CRYL1: variants seen among roughly 807,000 people sequenced by gnomAD.
CRYL1 encodes the protein crystallin lambda 1, also known as lambda-crystallin homolog.
Under a neutral mutation model 36.6 loss-of-function variants are expected in CRYL1, and 29 were observed. The ratio of observed to expected loss-of-function variants is 0.79; its 90% CI spans 0.59 to 1.08. CRYL1 has a LOEUF of 1.08. CRYL1 is among the 50% of genes least tolerant of loss of function. CRYL1 has a pLI of 0.00. For missense variants in CRYL1, 411 were observed against 407.9 expected (o/e 1.01, Z -0.06); for synonymous variants, 152 against 151.5 (o/e 1.00, Z -0.02).
chr13:20,516,627 T>C (rs982026789), intron 1 of CRYL1, among the ~76,000 whole-genome samples: 36 of 151,906 alleles, frequency 2.4e-4, no homozygotes, highest in Admixed American at 9.2e-4. Flanking sequence ...CTACAGGCGC[T>C]CGCCACCACG....
intron 5 of CRYL1, among the ~76,000 whole-genome samples, chr13:20,419,450 G>A (rs1425160526): frequency 6.6e-6 from 1 of 151,784 alleles, no homozygotes; most frequent in Non-Finnish European, 1.5e-5. Context: ...GCGTCACCAC[G>A]CCCAGCTAAT....
intron 3 of CRYL1, among the ~76,000 whole-genome samples, chr13:20,454,687 G>A (rs1018672732): frequency 5.3e-5 from 8 of 152,054 alleles, no homozygotes; most frequent in African/African-American, 1.9e-4. Flanking sequence ...CCAAAGTGCT[G>A]GGATTACAGG....
intron 3 of CRYL1, among the ~76,000 whole-genome samples, chr13:20,485,103 T>C (rs1167821914): frequency 4.6e-5 from 7 of 152,098 alleles, no homozygotes; most frequent in African/African-American, 9.7e-5. Context: ...CTGCAACCTT[T>C]ACCTCCTGGG....
chr13:20,481,563 T>G lies in CRYL1; in HGVS notation c.276+7807A>C, dbSNP rs575692955. Among the ~76,000 whole-genome samples, 31 of 152,082 alleles carry G rather than the reference T, an allele frequency of 2.0e-4. No homozygotes were observed. Among genetic ancestry groups the G allele is most frequent in the Non-Finnish European group, 4.3e-4 (29 of 68,032 alleles). On this transcript the variant is annotated intron_variant, in intron 3 of 7. Coordinates refer to ENST00000298248, the MANE Select transcript of CRYL1 (RefSeq NM_015974.3). The surrounding 1 kb of genome is among the most constrained non-coding windows in gnomAD (Gnocchi z 4.1). ...GCACTGAACCCTGAAACGAGTGAAT[T>G]TTCTTGTATGGAAATTATATCTTTG... is the stretch of plus-strand genomic sequence containing the variant.
intron 4 of CRYL1, 61 bp downstream of exon 4, chr13:20,439,532 A>AAAAAAAAAAAC: frequency 1.1e-6 from 1 of 871,274 alleles, no homozygotes; most frequent in Non-Finnish European, 1.5e-6. Context: ...AAAAAAAAAG[A>AAAAAAAAAAAC]AAAAAAAAAA....
chr13:20,507,823 C>T (rs1217604400), intron 2 of CRYL1, among the ~76,000 whole-genome samples: 3 of 150,622 alleles, frequency 2.0e-5, no homozygotes, highest in Admixed American at 2.0e-4. Flanking sequence ...GAGGCTGAGG[C>T]AGGAGAATGG....
intron 3 of CRYL1, among the ~76,000 whole-genome samples, chr13:20,447,579 G>A (rs1036319498): frequency 6.6e-6 from 1 of 151,980 alleles, no homozygotes; most frequent in African/African-American, 2.4e-5. Context: ...TTCTGGGAGA[G>A]AGACAGAATG....
chr13:20,444,435 G>A (rs1363057973), intron 3 of CRYL1, among the ~76,000 whole-genome samples: 1 of 151,824 alleles, frequency 6.6e-6, no homozygotes, highest in Non-Finnish European at 1.5e-5. Flanking sequence ...CAGTTACAAG[G>A]ATTATTGTTG....
intron 3 of CRYL1, among the ~76,000 whole-genome samples, chr13:20,441,718 T>C (rs536871067): frequency 6.6e-6 from 1 of 152,374 alleles, no homozygotes; most frequent in Non-Finnish European, 1.5e-5. Context: ...TTTAATTGAA[T>C]AATACTAATA....
chr13:20,433,215 G>T lies in CRYL1; in HGVS notation c.439-919C>A, dbSNP rs537815620. Among the ~76,000 whole-genome samples, 15 of 152,240 alleles carry T rather than the reference G, an allele frequency of 9.9e-5. No individual in the cohort carries two copies. The East Asian group carries it at 2.9e-3, about 29-fold the overall frequency. On this transcript the variant is annotated intron_variant, in intron 4 of 7. Coordinates refer to ENST00000298248, the MANE Select transcript of CRYL1 (RefSeq NM_015974.3). ...ATTGTCCAGGTGAGCATGCCCCAAG[G>T]GAGGACCCTGGACTTCACTGTTCAA...
chr13:20,490,644 T>TC (rs34419013), intron 2 of CRYL1, among the ~76,000 whole-genome samples: 49,795 of 148,368 alleles, frequency 0.34, 8,319 homozygotes, highest in Admixed American at 0.38. Flanking sequence ...AATGAAACAA[T>TC]CTCATGGCAG....
At chr13:20,408,085 A>T (rs1252156266) in intron 6 of CRYL1, among the ~76,000 whole-genome samples, 1 of 152,132 alleles carries the variant, frequency 6.6e-6, no homozygotes, top group Non-Finnish European at 1.5e-5. Context: ...GTTTCACAGA[A>T]CTCATTAAGG....
At chr13:20,506,480 T>A (rs1450483628) in intron 2 of CRYL1, among the ~76,000 whole-genome samples, 2 of 151,948 alleles carry the variant, frequency 1.3e-5, no homozygotes, top group African/African-American at 4.8e-5. Flanking sequence ...TATTAAGAAA[T>A]ACAGCTCTTA....
At position 20,415,754 on chromosome 13, in the gene CRYL1, C is replaced by T. The variant is rs1181241605; in HGVS notation, c.634-2367G>A. Reference sequence around the variant, plus strand: ...CTGACTCCTGCAATTGCGGCTTTCCCGCTTTTCAGACTGGCCGCCCGTGTT... The same window carrying T: ...CTGACTCCTGCAATTGCGGCTTTCCTGCTTTTCAGACTGGCCGCCCGTGTT... On this transcript the variant is annotated intron_variant, in intron 5 of 7. Transcript: ENST00000298248. The surrounding 1 kb of genome is among the most constrained non-coding windows in gnomAD (Gnocchi z 4.1). 3.3e-5 allele frequency among the ~76,000 whole-genome samples: 5 copies of T among 152,236 alleles called. No individual in the cohort carries two copies. The highest frequency in any genetic ancestry group is 9.6e-5 in the African/African-American group (4 of 41,454).
chr13:20,517,582 CA>C (rs1299922239), intron 1 of CRYL1, among the ~76,000 whole-genome samples: 2 of 145,102 alleles, frequency 1.4e-5, no homozygotes, highest in South Asian at 4.5e-4. Flanking sequence ...GCAACAAGAG[CA>C]AAACTCCATC....
chr13:20,507,668 C>G (rs1322953387), intron 2 of CRYL1, among the ~76,000 whole-genome samples: 1 of 152,202 alleles, frequency 6.6e-6, no homozygotes, highest in Non-Finnish European at 1.5e-5. Flanking sequence ...CCTGTAATCC[C>G]AGCACTTTGG....
At chr13:20,458,729 G>A (rs190341604) in intron 3 of CRYL1, among the ~76,000 whole-genome samples, 4 of 152,222 alleles carry the variant, frequency 2.6e-5, no homozygotes, top group Admixed American at 2.0e-4. Flanking sequence ...AAGCCATGTG[G>A]ACACCAAATA....
intron 3 of CRYL1, among the ~76,000 whole-genome samples, chr13:20,465,901 G>T (rs929230566): frequency 1.3e-4 from 19 of 151,686 alleles, no homozygotes; most frequent in African/African-American, 4.4e-4. Flanking sequence ...CTGGAGGGGG[G>T]CTATGAATGA....
At chr13:20,470,037 A>T (rs2033021702) in intron 3 of CRYL1, among the ~76,000 whole-genome samples, 1 of 152,250 alleles carries the variant, frequency 6.6e-6, no homozygotes, top group African/African-American at 2.4e-5. Flanking sequence ...CAGTGCGATC[A>T]CCTGGAGTTG....
Sources: allele counts gnomAD v4.1 joint callset (sites outside exome capture counted in the v4.1 genomes callset), GRCh38; gene constraint gnomAD v4.1.1; non-coding constraint Gnocchi (gnomAD v3.1); transcripts MANE v1.5; gene names NCBI Gene and HGNC (gene_info 2026-07-23, HGNC 2026-07-21).